PCDH9: variants seen among roughly 807,000 people sequenced by gnomAD.
The protein encoded by PCDH9 is protocadherin 9.
PCDH9 carries 24 observed loss-of-function variants against 70.6 expected under a neutral mutation model. That is an observed-to-expected ratio of 0.34 (90% CI 0.25 to 0.48). PCDH9 has a LOEUF of 0.48. PCDH9 is among the 20% of genes least tolerant of loss of function. PCDH9 has a pLI of 0.99. For missense variants in PCDH9, 1,281 were observed against 1,503.6 expected (o/e 0.85, Z 2.45); for synonymous variants, 562 against 558.5 (o/e 1.01, Z -0.09).
At chr13:66,419,133 G>C (rs1014090225) in intron 4 of PCDH9, among the ~76,000 whole-genome samples, 2 of 151,970 alleles carry the variant, frequency 1.3e-5, no homozygotes, top group Admixed American at 6.5e-5. Context: ...GGACCAGACG[G>C]ATTTTCTATT....
chr13:66,434,195 T>G (rs763746336), intron 4 of PCDH9, among the ~76,000 whole-genome samples: 15 of 151,964 alleles, frequency 9.9e-5, no homozygotes, highest in Non-Finnish European at 1.5e-4. Flanking sequence ...GACCACAGTT[T>G]ATCCCAATTC....
chr13:66,678,836 A>G (rs1311218123), intron 3 of PCDH9, among the ~76,000 whole-genome samples: 1 of 151,912 alleles, frequency 6.6e-6, no homozygotes, highest in Non-Finnish European at 1.5e-5. Context: ...ATTCACACTT[A>G]GTACACTCTT....
chr13:67,204,539 T>C (rs143183204), intron 2 of PCDH9: 2 of 152,246 alleles, frequency 1.3e-5, no homozygotes, highest in East Asian at 1.9e-4. Context: ...AGAAAACAAG[T>C]GCATGCTGAA....
chr13:66,478,883 A>G (rs1265715298), intron 4 of PCDH9, among the ~76,000 whole-genome samples: 1 of 152,248 alleles, frequency 6.6e-6, no homozygotes, highest in African/African-American at 2.4e-5. Flanking sequence ...CTACACTAAA[A>G]AACAGATTTT....
At chr13:66,523,800 G>A (rs553121463) in intron 4 of PCDH9, among the ~76,000 whole-genome samples, 1 of 151,926 alleles carries the variant, frequency 6.6e-6, no homozygotes, top group East Asian at 1.9e-4. Flanking sequence ...CAGACACAGA[G>A]GGAAAAAACT....
chr13:66,668,150 T>C (rs1043294737), intron 3 of PCDH9, among the ~76,000 whole-genome samples: 1 of 152,142 alleles, frequency 6.6e-6, no homozygotes, highest in African/African-American at 2.4e-5. Context: ...GGCAGATTCA[T>C]GTGATCTGAG....
chr13:66,527,063 A>G (rs1407109415), intron 4 of PCDH9, among the ~76,000 whole-genome samples: 3 of 152,184 alleles, frequency 2.0e-5, no homozygotes, highest in Non-Finnish European at 4.4e-5. Flanking sequence ...TTGTGTTGAG[A>G]TGCGAAAGCC....
intron 2 of PCDH9, among the ~76,000 whole-genome samples, chr13:67,020,501 C>A (rs761903729): frequency 6.6e-6 from 1 of 151,990 alleles, no homozygotes; most frequent in Non-Finnish European, 1.5e-5. Flanking sequence ...AGAATTCCCA[C>A]GTTAGAAGAC....
chr13:66,600,765 C>CGCGT (rs1246456426), intron 4 of PCDH9, among the ~76,000 whole-genome samples: 3 of 132,940 alleles, frequency 2.3e-5, no homozygotes, highest in African/African-American at 8.0e-5. Flanking sequence ...TAATTAAGAA[C>CGCGT]GTGTGTGTGT....
intron 4 of PCDH9, among the ~76,000 whole-genome samples, chr13:66,563,345 T>A (rs749606748): frequency 1.3e-5 from 2 of 152,086 alleles, no homozygotes; most frequent in Non-Finnish European, 2.9e-5. Context: ...GTCCTGTTGG[T>A]TTTGCCTCCA....
chr13:67,048,110 A>C (rs1028881067), intron 2 of PCDH9, among the ~76,000 whole-genome samples: 1 of 152,190 alleles, frequency 6.6e-6, no homozygotes, highest in African/African-American at 2.4e-5. Flanking sequence ...CTAAACTGTG[A>C]ATAGTGAAAT....
chr13:67,090,819 A>G lies in PCDH9; in HGVS notation c.3036+134586T>C, dbSNP rs566295309. ...TTTAAACTTATGTAAATAATCTAAT[A>G]TAGATATAGATGCTATTTTGTAGAT... is the stretch of plus-strand genomic sequence containing the variant. On this transcript the variant is annotated intron_variant, in intron 2 of 4. Transcript: ENST00000377865. Among the ~76,000 whole-genome samples, 11 of 152,234 alleles carry G rather than the reference A, an allele frequency of 7.2e-5. No individual in the cohort carries two copies. In the South Asian group the frequency reaches 2.3e-3, roughly 32 times the overall value.
At chr13:66,981,873 A>G (rs990921106) in intron 2 of PCDH9, among the ~76,000 whole-genome samples, 4 of 152,334 alleles carry the variant, frequency 2.6e-5, no homozygotes, top group Admixed American at 2.0e-4. Context: ...AAAATTTATA[A>G]CAGAAAATTA....
At chr13:67,128,030 A>G (rs988132607) in intron 2 of PCDH9, among the ~76,000 whole-genome samples, 4 of 152,258 alleles carry the variant, frequency 2.6e-5, no homozygotes, top group Admixed American at 1.3e-4. Flanking sequence ...AGCTTGTTAG[A>G]TAAGCTCTGC....
chr13:66,707,477 T>A (rs2078726776), intron 3 of PCDH9, among the ~76,000 whole-genome samples: 1 of 152,238 alleles, frequency 6.6e-6, no homozygotes, highest in Non-Finnish European at 1.5e-5. Context: ...CAGCACTTAA[T>A]TCACTCTGCA....
intron 3 of PCDH9, among the ~76,000 whole-genome samples, chr13:66,830,688 C>T (rs2080910085): frequency 6.6e-6 from 1 of 152,064 alleles, no homozygotes; most frequent in Non-Finnish European, 1.5e-5. Flanking sequence ...TTAATTTTAG[C>T]TATTTCAATT....
chr13:66,529,755 T>A (rs1234521415), intron 4 of PCDH9, among the ~76,000 whole-genome samples: 1 of 151,436 alleles, frequency 6.6e-6, no homozygotes, highest in African/African-American at 2.4e-5. Context: ...ATCTATGACA[T>A]AAAAGATGAT....
intron 2 of PCDH9, among the ~76,000 whole-genome samples, chr13:67,180,505 A>C (rs1419532860): frequency 6.6e-6 from 1 of 152,168 alleles, no homozygotes; most frequent in Non-Finnish European, 1.5e-5. Flanking sequence ...CTTGTATTAA[A>C]TCAAACCATC....
At chr13:66,773,838 G>C (rs1389978997) in intron 3 of PCDH9, among the ~76,000 whole-genome samples, 1 of 150,670 alleles carries the variant, frequency 6.6e-6, no homozygotes, top group Non-Finnish European at 1.5e-5. Flanking sequence ...GAGTGCAGTG[G>C]GTGATCTCAG....
Sources: allele counts gnomAD v4.1 joint callset (sites outside exome capture counted in the v4.1 genomes callset), GRCh38; gene constraint gnomAD v4.1.1; transcripts MANE v1.5; gene names NCBI Gene and HGNC (gene_info 2026-07-23, HGNC 2026-07-21).